HCK: variants seen among roughly 807,000 people sequenced by gnomAD.
HCK encodes the protein HCK proto-oncogene, Src family tyrosine kinase, also known as tyrosine-protein kinase HCK.
Under a neutral mutation model 70.4 loss-of-function variants are expected in HCK, and 40 were observed. The observed-to-expected ratio is 0.57, with a 90% CI of 0.44 to 0.74. The LOEUF (loss-of-function observed/expected upper bound fraction) is 0.74. Among genes scored for constraint, HCK ranks in the 30% least tolerant of loss-of-function variants. The pLI is 0.00. For synonymous variants in HCK, 245 were observed against 263.2 expected (o/e 0.93, Z 0.67); for missense variants, 568 against 697.2 (o/e 0.81, Z 2.09).
At chr20:32,065,108 A>T (rs2045437175) in intron 1 of HCK, among the ~76,000 whole-genome samples, 1 of 152,274 alleles carries the variant, frequency 6.6e-6, no homozygotes, top group East Asian at 1.9e-4. Flanking sequence ...AGGCTCAGAG[A>T]GGGCAAATGA....
intron 5 of HCK, among the ~76,000 whole-genome samples, chr20:32,079,101 T>A (rs2045671821): frequency 6.6e-6 from 1 of 152,182 alleles, no homozygotes; most frequent in Admixed American, 6.6e-5. Flanking sequence ...TGGGAATGGA[T>A]TCCACTGCTG....
intron 1 of HCK, among the ~76,000 whole-genome samples, chr20:32,052,796 G>GGGGT (rs1568945704): frequency 4.5e-5 from 5 of 110,996 alleles, no homozygotes; most frequent in African/African-American, 2.8e-4. Context: ...GGGGGGCGGG[G>GGGGT]ATTTTTTTTT....
intron 6 of HCK, among the ~76,000 whole-genome samples, chr20:32,081,630 T>C (rs2045710712): frequency 6.6e-6 from 1 of 152,170 alleles, no homozygotes; most frequent in Admixed American, 6.5e-5. Flanking sequence ...TTCATGTGGC[T>C]AGGATAATGC....
In HCK at chr20:32,073,358, G is replaced by C. The variant is rs201087116; in HGVS notation, c.223G>C (p.Glu75Gln). Reference sequence around the variant, plus strand: ...CAACAGCAACACACCAGGAATCAGGGAGGGTAAGTATCTACGAGCAGATGC... The same window carrying C: ...CAACAGCAACACACCAGGAATCAGGCAGGGTAAGTATCTACGAGCAGATGC... Residue 75 changes from glutamate to glutamine, a missense_variant, in exon 3 of 13, where the codon GAG becomes CAG. Coordinates refer to ENST00000375852, the MANE Select transcript of HCK (RefSeq NM_002110.5). 350 of 1,611,818 alleles carry C rather than the reference G, an allele frequency of 2.2e-4. No homozygotes were observed. Among genetic ancestry groups the C allele is most frequent in the Non-Finnish European group, 2.7e-4 (324 of 1,179,174 alleles).
chr20:32,092,399 C>T (rs137937160), intron 10 of HCK, among the ~76,000 whole-genome samples: 9 of 152,298 alleles, frequency 5.9e-5, no homozygotes, highest in African/African-American at 2.2e-4. Flanking sequence ...GCTTTCTGGG[C>T]ATCTGAGGGT....
intron 11 of HCK, among the ~76,000 whole-genome samples, chr20:32,094,771 A>AAGGG (rs2045920800): frequency 1.6e-5 from 2 of 123,604 alleles, no homozygotes; most frequent in Admixed American, 8.1e-5. Context: ...GAAGGAAAGA[A>AAGGG]AGAAAGAGAG....
In HCK at chr20:32,066,331, T is replaced by TTTTTTG. The variant is rs60044994; in HGVS notation, c.63-5331_63-5330insTTTTTG. 4.9e-5 allele frequency among the ~76,000 whole-genome samples: 4 copies of TTTTTTG among 81,878 alleles called. 2 individuals carry two copies. Among genetic ancestry groups the TTTTTTG allele is most frequent in the Non-Finnish European group, 9.3e-5 (4 of 42,826 alleles). The allele number at this position is 81,878 out of a possible 152,430, so 53.7% of individuals were successfully genotyped here. A position where few individuals can be genotyped will look rare whatever the true frequency, so the allele number is the denominator to read the frequency against. On this transcript the variant is annotated intron_variant, in intron 1 of 12. Coordinates refer to ENST00000375852, the MANE Select transcript of HCK (RefSeq NM_002110.5). ...TTTTTTTTTTTTTTTTTTTTTTTTT[T>TTTTTTG]GACAGAGTCTTGCTCTGTTTCCCAG... is the stretch of plus-strand genomic sequence containing the variant.
At chr20:32,094,757 GAAA>G (rs2045918615) in intron 11 of HCK, among the ~76,000 whole-genome samples, 1 of 124,524 alleles carries the variant, frequency 8.0e-6, no homozygotes, top group Non-Finnish European at 1.7e-5. Context: ...AAGAAAGAAA[GAAA>G]GAAGGAAAGA....
At chr20:32,052,724 T>A (rs971738221) in intron 1 of HCK, among the ~76,000 whole-genome samples, 5 of 146,936 alleles carry the variant, frequency 3.4e-5, no homozygotes, top group Admixed American at 6.8e-5. Flanking sequence ...AAGGGGACGC[T>A]CGGGCCCGTG....
chr20:32,086,692 G>C lies in HCK; in HGVS notation c.900G>C (p.Glu300Asp), dbSNP rs745899437. The change falls in exon 9 of 13, where the codon GAG becomes GAC. Residue 300 changes from glutamate to aspartate, a missense_variant. Physicochemically the swap from Glu to Asp is conservative, Grantham distance 45. Transcript: ENST00000375852. ...TGAAGCCAGGGAGCATGTCGGTGGAGGCCTTCCTGGCAGAGGCCAACGTGA... is the reference window on the plus strand; with the variant it reads ...TGAAGCCAGGGAGCATGTCGGTGGACGCCTTCCTGGCAGAGGCCAACGTGA... 2 of 1,613,490 alleles carry C rather than the reference G, an allele frequency of 1.2e-6. No homozygotes were observed. The highest frequency in any genetic ancestry group is 2.2e-5 in the East Asian group (1 of 44,766).
chr20:32,100,857 A>G (rs1293587044), intron 12 of HCK, among the ~76,000 whole-genome samples: 1 of 152,234 alleles, frequency 6.6e-6, no homozygotes, highest in Admixed American at 6.5e-5. Context: ...ACAAAATAAC[A>G]GACAAAGAGT....
At chr20:32,074,802 C>T in intron 5 of HCK, 81 bp downstream of exon 5, 2 of 905,688 alleles carry the variant, frequency 2.2e-6, no homozygotes, top group Non-Finnish European at 3.7e-6. Context: ...TCTGCACACA[C>T]TGTACCACTG....
chr20:32,093,165 G>A (rs977941874), intron 10 of HCK, among the ~76,000 whole-genome samples: 2 of 152,066 alleles, frequency 1.3e-5, no homozygotes, highest in East Asian at 1.9e-4. Flanking sequence ...GGCTGGTCTC[G>A]AACTCCTGGC....
At chr20:32,094,633 A>T (rs925462975) in intron 11 of HCK, among the ~76,000 whole-genome samples, 1 of 151,456 alleles carries the variant, frequency 6.6e-6, no homozygotes, top group Admixed American at 6.6e-5. Context: ...AGCTGCAGTA[A>T]GCCATGATCA....
At chr20:32,074,489 A>G in intron 4 of HCK, 134 bp from the exon 5 acceptor site, 1 of 680,118 alleles carries the variant, frequency 1.5e-6, no homozygotes, top group South Asian at 1.7e-5. Context: ...TGGGGCTGAC[A>G]TAGTCACAGC....
At chr20:32,053,994 G>T (rs186252870) in intron 1 of HCK, among the ~76,000 whole-genome samples, 5 of 149,358 alleles carry the variant, frequency 3.3e-5, no homozygotes, top group Non-Finnish European at 5.9e-5. Flanking sequence ...TCTCTTTATG[G>T]TCCTTTTTTT....
intron 1 of HCK, among the ~76,000 whole-genome samples, chr20:32,070,637 A>C (rs554194058): frequency 6.6e-6 from 1 of 152,190 alleles, no homozygotes; most frequent in Non-Finnish European, 1.5e-5. Flanking sequence ...TCCCCACAGC[A>C]TCCTCTCTTA....
intron 5 of HCK, among the ~76,000 whole-genome samples, chr20:32,075,682 TCATC>T (rs1415735376): frequency 4.6e-5 from 7 of 150,782 alleles, no homozygotes; most frequent in East Asian, 1.9e-4. Flanking sequence ...TATACTTCAG[TCATC>T]CATCCATCCA....
chr20:32,053,833 T>G (rs993332722), intron 1 of HCK, among the ~76,000 whole-genome samples: 3 of 152,028 alleles, frequency 2.0e-5, no homozygotes, highest in African/African-American at 7.2e-5. Flanking sequence ...AGTTTCTGAT[T>G]CAGTAGCTCT....
Sources: allele counts gnomAD v4.1 joint callset (sites outside exome capture counted in the v4.1 genomes callset), GRCh38; gene constraint gnomAD v4.1.1; transcripts MANE v1.5; gene names NCBI Gene and HGNC (gene_info 2026-07-23, HGNC 2026-07-21).